Variants in ELP1 observed in about 807,000 individuals in gnomAD.
ELP1 encodes elongator acetyltransferase complex subunit 1, also known as elongator complex protein 1.
In ELP1, 131 loss-of-function variants were observed where a neutral mutation model predicts 183.2. That is an observed-to-expected ratio of 0.72 (90% CI 0.62 to 0.83). The LOEUF (loss-of-function observed/expected upper bound fraction) is 0.83. ELP1 is among the 40% of genes least tolerant of loss of function. The probability of loss-of-function intolerance (pLI) is 0.00; values close to 1 mark genes in which losing one functional copy is unlikely to be tolerated. For missense variants in ELP1, 1,550 were observed against 1,594.9 expected, an observed-to-expected ratio of 0.97 and a Z score of 0.48; for synonymous variants, 555 against 569.0, an observed-to-expected ratio of 0.98 and a Z score of 0.35.
At chr9:108,916,165 T>A (rs767542983) in intron 10 of ELP1, 39 bp downstream of exon 10, 8 of 1,485,076 alleles carry the variant, frequency 5.4e-6, no homozygotes, top group Middle Eastern at 3.4e-4. Flanking sequence ...TCAACTACGT[T>A]TTATGGGGCA....
At chr9:108,927,312 C>T in intron 4 of ELP1, 60 bp downstream of exon 4, 1 of 1,369,236 alleles carries the variant, frequency 7.3e-7, no homozygotes, top group Non-Finnish European at 1.0e-6. Flanking sequence ...CTGATGAAGC[C>T]TGTAAGACAT....
At chr9:108,930,212 AAGATT>A in intron 2 of ELP1, among the ~76,000 whole-genome samples, 1 of 152,202 alleles carries the variant, frequency 6.6e-6, no homozygotes, top group Non-Finnish European at 1.5e-5. Context: ...ATGCTTTTCT[AAGATT>A]TCTATAGTAT....
At chr9:108,916,495 A>C (rs1298540174) in intron 9 of ELP1, among the ~76,000 whole-genome samples, 198 bp from the exon 10 acceptor site, 1 of 152,178 alleles carries the variant, frequency 6.6e-6, no homozygotes, top group African/African-American at 2.4e-5. Flanking sequence ...AAAAAAAAGA[A>C]ATACATTATG....
At chr9:108,884,522 A>T (rs1828051211) in intron 29 of ELP1, among the ~76,000 whole-genome samples, 1 of 152,126 alleles carries the variant, frequency 6.6e-6, no homozygotes, top group Non-Finnish European at 1.5e-5. Context: ...ATAAATTTAA[A>T]TTAATAAAAT....
chr9:108,911,841 T>C (rs1447909264), intron 11 of ELP1, among the ~76,000 whole-genome samples: 1 of 151,988 alleles, frequency 6.6e-6, no homozygotes, highest in Non-Finnish European at 1.5e-5. Context: ...CTGAACATAC[T>C]GGAGAGGTAT....
At chr9:108,886,821 T>C (rs1231953156) in intron 29 of ELP1, among the ~76,000 whole-genome samples, 1 of 150,226 alleles carries the variant, frequency 6.7e-6, no homozygotes, top group East Asian at 2.0e-4. Flanking sequence ...TATGCTCCAA[T>C]AAAGCTTTAT....
chr9:108,877,010 C>T (rs779787959), intron 35 of ELP1, among the ~76,000 whole-genome samples: 16 of 152,162 alleles, frequency 1.1e-4, no homozygotes, highest in Admixed American at 7.2e-4. Flanking sequence ...GGATTACAGG[C>T]GTGAGCCACC....
chr9:108,906,615 G>T, intron 13 of ELP1, 130 bp from the exon 14 acceptor site: 1 of 722,242 alleles, frequency 1.4e-6, no homozygotes, highest in Non-Finnish European at 2.4e-6. Flanking sequence ...GACAAAACCT[G>T]AGATACTACC....
intron 14 of ELP1, among the ~76,000 whole-genome samples, chr9:108,905,795 C>G (rs1359195610): frequency 2.0e-5 from 3 of 151,814 alleles, no homozygotes; most frequent in Admixed American, 6.6e-5. Flanking sequence ...CAGCATGTTA[C>G]TTTACAGAAT....
intron 26 of ELP1, 25 bp downstream of exon 26, chr9:108,893,918 T>A (rs1208387809): frequency 1.2e-6 from 2 of 1,612,998 alleles, no homozygotes; most frequent in African/African-American, 2.7e-5. Context: ...GAAGTAGAGA[T>A]AAACATACTA....
At chr9:108,885,705 G>C (rs1828098786) in intron 29 of ELP1, among the ~76,000 whole-genome samples, 2 of 152,208 alleles carry the variant, frequency 1.3e-5, no homozygotes, top group African/African-American at 2.4e-5. Flanking sequence ...GTATAAGCAA[G>C]AGGCTAAAAC....
At chr9:108,905,252 C>T (rs182845712) in intron 14 of ELP1, among the ~76,000 whole-genome samples, 3 of 152,284 alleles carry the variant, frequency 2.0e-5, no homozygotes, top group Admixed American at 2.0e-4. Flanking sequence ...TTTGCAACAA[C>T]GTTTCTCAGA....
chr9:108,869,252 T>C (rs1827346835), intron 36 of ELP1, 70 bp from the exon 37 acceptor site: 2 of 1,296,072 alleles, frequency 1.5e-6, no homozygotes, highest in African/African-American at 1.5e-5. Context: ...GCAGTAACTC[T>C]AAACTAAACA....
Position 108,889,359 on chromosome 9 carries a change from C to A in ELP1, c.3195G>T (p.Ala1065=), listed in dbSNP as rs758321016. 9 of 1,613,994 alleles carry A rather than the reference C, an allele frequency of 5.6e-6. No individual in the cohort carries two copies. The African/African-American group carries it at 9.3e-5, about 17-fold the overall frequency. Residue 1065 remains alanine, a synonymous_variant, in exon 29 of 37, where the codon GCG becomes GCT. Coordinates refer to ENST00000374647, the MANE Select transcript of ELP1 (RefSeq NM_003640.5). Reference sequence around the variant, plus strand: ...GGGCACACTCTTCCAAAACCATGGCCGCATCAATGTGCTTCCTCTGCTCAA... The same window carrying A: ...GGGCACACTCTTCCAAAACCATGGCAGCATCAATGTGCTTCCTCTGCTCAA... ...KLVEQRKHID[A]AMVLEECAQD...
intron 8 of ELP1, among the ~76,000 whole-genome samples, chr9:108,918,072 T>C (rs536638129): frequency 1.3e-5 from 2 of 152,362 alleles, no homozygotes; most frequent in Admixed American, 1.3e-4. Context: ...TAGGTCTTTT[T>C]TAAGACTTCA....
intron 14 of ELP1, among the ~76,000 whole-genome samples, 181 bp from the exon 15 acceptor site, chr9:108,903,850 CACTT>C (rs1476426744): frequency 6.8e-6 from 1 of 148,128 alleles, no homozygotes; most frequent in East Asian, 2.0e-4. Flanking sequence ...CACACACACA[CACTT>C]ATACACTTAG....
At chr9:108,878,872 A>T (rs1327427270) in intron 33 of ELP1, 122 bp from the exon 34 acceptor site, 1 of 1,034,810 alleles carries the variant, frequency 9.7e-7, no homozygotes, top group Admixed American at 1.9e-5. Flanking sequence ...ACAGATCTCC[A>T]TTTTAAATTC....
chr9:108,896,903 A>G (rs775074501), intron 24 of ELP1, 50 bp downstream of exon 24: 2 of 1,451,534 alleles, frequency 1.4e-6, no homozygotes, highest in East Asian at 2.3e-5. Flanking sequence ...GCAGAAGACT[A>G]GTAGCAGTCA....
intron 9 of ELP1, among the ~76,000 whole-genome samples, chr9:108,917,276 T>C (rs1829473387): frequency 6.6e-6 from 1 of 152,162 alleles, no homozygotes; most frequent in African/African-American, 2.4e-5. Flanking sequence ...GAGACCAGCC[T>C]GACCAACACG....
Sources: allele counts gnomAD v4.1 joint callset (sites outside exome capture counted in the v4.1 genomes callset), GRCh38; gene constraint gnomAD v4.1.1; transcripts MANE v1.5; gene names NCBI Gene and HGNC (gene_info 2026-07-23, HGNC 2026-07-21).